STX8: variants seen among roughly 807,000 people sequenced by gnomAD.
STX8 encodes syntaxin 8.
Under a neutral mutation model 37.5 loss-of-function variants are expected in STX8, and 23 were observed. That is an observed-to-expected ratio of 0.61 (90% CI 0.44 to 0.87). The LOEUF is 0.87. Ranked by LOEUF, STX8 falls within the 40% of genes least tolerant of loss-of-function variation. The pLI is 0.00. For synonymous variants in STX8, 115 were observed against 99.1 expected (o/e 1.16, Z -0.95); for missense variants, 313 against 284.7 (o/e 1.10, Z -0.71).
chr17:9,425,931 A>ATG (rs1256995322), intron 6 of STX8, among the ~76,000 whole-genome samples: 6 of 152,276 alleles, frequency 3.9e-5, no homozygotes, highest in African/African-American at 1.4e-4. Context: ...GCACGTATGC[A>ATG]CGCGCACACA....
At chr17:9,462,322 C>A (rs998863551) in intron 6 of STX8, among the ~76,000 whole-genome samples, 3 of 152,170 alleles carry the variant, frequency 2.0e-5, no homozygotes, top group African/African-American at 7.2e-5. Context: ...AAGACAAACT[C>A]ACTTTGTGGC....
At chr17:9,430,614 A>AT (rs1913922058) in intron 6 of STX8, among the ~76,000 whole-genome samples, 6 of 149,746 alleles carry the variant, frequency 4.0e-5, no homozygotes, top group Non-Finnish European at 8.9e-5. Flanking sequence ...TTACACATTC[A>AT]TCTGTTGACG....
intron 6 of STX8, among the ~76,000 whole-genome samples, chr17:9,424,086 C>G (rs976961107): frequency 6.6e-6 from 1 of 152,152 alleles, no homozygotes; most frequent in Non-Finnish European, 1.5e-5. Flanking sequence ...CTACCCCAGG[C>G]TGTGAAAGAA....
chr17:9,257,756 G>A (rs538744023), intron 7 of STX8, among the ~76,000 whole-genome samples: 12 of 152,384 alleles, frequency 7.9e-5, no homozygotes, highest in African/African-American at 2.9e-4. Context: ...GGGAGGCCAA[G>A]GCGAGTGGAT....
At position 9,296,263 on chromosome 17, in the gene STX8, G is replaced by A. The variant is rs150522479; in HGVS notation, c.644-45618C>T. On this transcript the variant is annotated intron_variant, in intron 7 of 7. Transcript: ENST00000306357. ...CGGGAGGCTGAGGCAGGAGAATGGC[G>A]CGAACCTGGGAGGCAGAGCTTGCAG... Among the ~76,000 whole-genome samples, 986 of 148,580 alleles carry A rather than the reference G, an allele frequency of 6.6e-3. 9 individuals are homozygous for A. Among genetic ancestry groups the A allele is most frequent in the African/African-American group, 0.02 (802 of 40,148 alleles).
In STX8 at chr17:9,272,240, G is replaced by A. The variant is rs1344399893; in HGVS notation, c.644-21595C>T. On this transcript the variant is annotated intron_variant, in intron 7 of 7. Coordinates refer to ENST00000306357, the MANE Select transcript of STX8 (RefSeq NM_004853.3). ...AAGAATGATCTCTGCCAGATTGCCG[G>A]GCTTTGCTGTGTCACATCAGGCTGA... 3.7e-4 allele frequency among the ~76,000 whole-genome samples: 57 copies of A among 152,222 alleles called. 1 individual carries two copies. Among genetic ancestry groups the A allele is most frequent in the Non-Finnish European group, 1.5e-5 (1 of 68,038 alleles).
At chr17:9,393,235 C>T (rs903018721) in intron 6 of STX8, among the ~76,000 whole-genome samples, 3 of 152,136 alleles carry the variant, frequency 2.0e-5, no homozygotes, top group Non-Finnish European at 4.4e-5. Context: ...GCTATCAACA[C>T]AAAATTCTAT....
intron 6 of STX8, among the ~76,000 whole-genome samples, chr17:9,472,142 TA>T (rs1905896417): frequency 6.6e-6 from 1 of 150,388 alleles, no homozygotes; most frequent in Non-Finnish European, 1.5e-5. Context: ...GCTGCTCCAC[TA>T]AGAGGAGCCA....
At chr17:9,351,119 A>AATGTTTTT (rs1184490473) in intron 7 of STX8, among the ~76,000 whole-genome samples, 3 of 151,808 alleles carry the variant, frequency 2.0e-5, no homozygotes, top group South Asian at 4.1e-4. Flanking sequence ...GTGAATAATG[A>AATGTTTTT]ATGTTTTTAA....
intron 5 of STX8, among the ~76,000 whole-genome samples, chr17:9,498,570 T>G (rs12601643): frequency 0.26 from 39,145 of 152,036 alleles, 5,249 homozygotes; most frequent in South Asian, 0.39. Flanking sequence ...AAAGAAAGTT[T>G]TCTGTGAAGC....
chr17:9,467,600 G>A (rs1905670093), intron 6 of STX8, among the ~76,000 whole-genome samples: 1 of 152,142 alleles, frequency 6.6e-6, no homozygotes, highest in Non-Finnish European at 1.5e-5. Flanking sequence ...GAGGAAACAG[G>A]GAAGAAAAGA....
intron 6 of STX8, among the ~76,000 whole-genome samples, chr17:9,435,297 T>C (rs1048238079): frequency 1.3e-5 from 2 of 152,158 alleles, no homozygotes; most frequent in Non-Finnish European, 2.9e-5. Context: ...AAAGTACAGA[T>C]TGAAACGTTA....
intron 7 of STX8, among the ~76,000 whole-genome samples, chr17:9,304,147 G>GA (rs35423875): frequency 1.3e-5 from 2 of 150,574 alleles, no homozygotes; most frequent in East Asian, 1.9e-4. Context: ...AGACTGTTAA[G>GA]AAAAAAAAAG....
At chr17:9,323,157 T>A (rs867374317) in intron 7 of STX8, among the ~76,000 whole-genome samples, 1 of 152,184 alleles carries the variant, frequency 6.6e-6, no homozygotes, top group African/African-American at 2.4e-5. Flanking sequence ...CTTAAACAGA[T>A]GCCAATGCTT....
At chr17:9,542,937 C>T (rs925336833) in intron 4 of STX8, among the ~76,000 whole-genome samples, 4 of 151,970 alleles carry the variant, frequency 2.6e-5, no homozygotes, top group South Asian at 2.1e-4. Context: ...GGCAGGCAAG[C>T]GGGGACCAAA....
At chr17:9,430,886 T>TG (rs1055884573) in intron 6 of STX8, among the ~76,000 whole-genome samples, 16 of 152,176 alleles carry the variant, frequency 1.1e-4, no homozygotes, top group Middle Eastern at 3.2e-3. Context: ...CCTGACCTCG[T>TG]GATCCACCCG....
intron 7 of STX8, among the ~76,000 whole-genome samples, chr17:9,363,543 C>T (rs1305537000): frequency 6.6e-6 from 1 of 152,116 alleles, no homozygotes; most frequent in Admixed American, 6.5e-5. Context: ...TAAACCCAGC[C>T]CTCATTTGCT....
chr17:9,496,854 A>G (rs1597708622), intron 5 of STX8, among the ~76,000 whole-genome samples: 1 of 152,148 alleles, frequency 6.6e-6, no homozygotes, highest in Non-Finnish European at 1.5e-5. Flanking sequence ...AGCTACAAAA[A>G]GTAAGGGAAC....
At chr17:9,563,940 T>C (rs890462324) in intron 2 of STX8, among the ~76,000 whole-genome samples, 2 of 152,128 alleles carry the variant, frequency 1.3e-5, no homozygotes, top group African/African-American at 4.8e-5. Context: ...GTTCAACATA[T>C]GCAAAACAAA....
Sources: gnomAD v4.1 joint callset for allele counts (sites outside exome capture counted in the v4.1 genomes callset) on GRCh38, gnomAD v4.1.1 for gene constraint, MANE v1.5 for transcripts, NCBI Gene and HGNC (gene_info 2026-07-23, HGNC 2026-07-21) for gene names.